ELAVL2: variants seen among roughly 807,000 people sequenced by gnomAD.
The protein encoded by ELAVL2 is ELAV like RNA binding protein 2.
A neutral mutation model predicts 34.6 loss-of-function variants in ELAVL2; 4 were observed. The observed-to-expected ratio is 0.12, with a 90% CI of 0.06 to 0.26. The LOEUF is 0.26. Ranked by LOEUF, ELAVL2 falls within the 10% of genes least tolerant of loss-of-function variation. The pLI is 1.00. For missense variants in ELAVL2, 432 were observed against 442.8 expected, an observed-to-expected ratio of 0.98 and a Z score of 0.22; for synonymous variants, 193 against 154.8, an observed-to-expected ratio of 1.25 and a Z score of -1.83.
intron 1 of ELAVL2, among the ~76,000 whole-genome samples, chr9:23,786,633 C>G (rs2059709936): frequency 6.6e-6 from 1 of 152,016 alleles, no homozygotes; most frequent in African/African-American, 2.4e-5. Context: ...GAAAGTTACC[C>G]TGAAGCTATA....
At chr9:23,755,152 G>A (rs557174255) in intron 2 of ELAVL2, among the ~76,000 whole-genome samples, 41 of 152,152 alleles carry the variant, frequency 2.7e-4, no homozygotes, top group African/African-American at 9.6e-4. Flanking sequence ...CACAAAATAC[G>A]AGCAAAAATT....
At chr9:23,818,955 A>C (rs2064126103) in intron 1 of ELAVL2, among the ~76,000 whole-genome samples, 1 of 152,236 alleles carries the variant, frequency 6.6e-6, no homozygotes, top group South Asian at 2.1e-4. Context: ...TTTTTAAAAA[A>C]ATGTCTTTCA....
At chr9:23,782,126 GTTTC>G (rs1358195739) in intron 1 of ELAVL2, among the ~76,000 whole-genome samples, 2 of 152,100 alleles carry the variant, frequency 1.3e-5, no homozygotes, top group African/African-American at 2.4e-5. Context: ...CGACCAAGAA[GTTTC>G]TTTAACATAA....
chr9:23,743,992 G>C (rs2049909825), intron 2 of ELAVL2, among the ~76,000 whole-genome samples: 1 of 152,098 alleles, frequency 6.6e-6, no homozygotes, highest in African/African-American at 2.4e-5. Context: ...ATGCCCACTT[G>C]GCAAACACAT....
At chr9:23,797,233 C>G (rs1336227826) in intron 1 of ELAVL2, among the ~76,000 whole-genome samples, 1 of 152,172 alleles carries the variant, frequency 6.6e-6, no homozygotes, top group Non-Finnish European at 1.5e-5. Context: ...AACCTCTATC[C>G]TCTGTTTAAA....
intron 1 of ELAVL2, among the ~76,000 whole-genome samples, chr9:23,792,810 G>T (rs189013215): frequency 6.6e-6 from 1 of 151,298 alleles, no homozygotes. Context: ...TTACTCTGTC[G>T]CCCAGGATGG....
At chr9:23,752,541 G>A (rs969215814) in intron 2 of ELAVL2, among the ~76,000 whole-genome samples, 3 of 151,082 alleles carry the variant, frequency 2.0e-5, no homozygotes, top group South Asian at 2.1e-4. Context: ...TGCAACCTCC[G>A]CCTCCCGGGT....
At chr9:23,828,686 G>C (rs1479198613), upstream of ELAVL2, among the ~76,000 whole-genome samples, 1 of 152,010 alleles carries the variant, frequency 6.6e-6, no homozygotes, top group Non-Finnish European at 1.5e-5. Flanking sequence ...CTAACATGTT[G>C]TCTTTTTATG....
chr9:23,801,040 G>A (rs776339795), intron 1 of ELAVL2, among the ~76,000 whole-genome samples: 1 of 152,144 alleles, frequency 6.6e-6, no homozygotes, highest in Non-Finnish European at 1.5e-5. Context: ...AAGGCTAATT[G>A]TGAACTGTAC....
intron 1 of ELAVL2, among the ~76,000 whole-genome samples, chr9:23,778,072 G>A (rs902122023): frequency 1.4e-4 from 22 of 152,094 alleles, no homozygotes; most frequent in African/African-American, 5.1e-4. Context: ...CCAGCAGGAA[G>A]AAAACATTGA....
chr9:23,830,626 C>CACACACACACACACACCT (rs1491521757), upstream of ELAVL2, among the ~76,000 whole-genome samples: 127 of 72,534 alleles, frequency 1.8e-3, 1 homozygote, highest in Non-Finnish European at 2.6e-3. Context: ...ACACACACAC[C>CACACACACACACACACCT]TTTTTTTTTT....
chr9:23,731,050 C>G lies in ELAVL2; in HGVS notation c.305G>C (p.Gly102Ala), dbSNP rs2046399227. 6.2e-6 allele frequency: 10 copies of G among 1,612,948 alleles called. No homozygotes were observed. The East Asian group carries it at 2.2e-4, about 36-fold the overall frequency. ...DAEKAINTLN[G>A]LRLQTKTIKV... ...TATTGTTTTGGTTTGAAGTCTCAAT[C>G]CATTCAGGGTGTTGATAGCTTTCTC... is the stretch of plus-strand genomic sequence containing the variant. The change falls in exon 3 of 7, where the codon GGA becomes GCA. Residue 102 changes from glycine to alanine, a missense_variant. Physicochemically the swap from Gly to Ala is moderately conservative, Grantham distance 60. Coordinates refer to ENST00000397312, the MANE Select transcript of ELAVL2 (RefSeq NM_004432.5).
intron 1 of ELAVL2, among the ~76,000 whole-genome samples, chr9:23,781,489 A>G (rs2059049995): frequency 6.6e-6 from 1 of 150,994 alleles, no homozygotes; most frequent in Non-Finnish European, 1.5e-5. Flanking sequence ...AGAATAGCAT[A>G]TTTAAGAAAA....
At chr9:23,735,105 CAAAAAAAAAAAAA>C in intron 2 of ELAVL2, 1 of 27,952 alleles carries the variant, frequency 3.6e-5, no homozygotes, top group African/African-American at 1.4e-4. Context: ...TAAGGCTCTT[CAAAAAAAAAAAAA>C]AAAAAAAAAG....
chr9:23,780,533 G>A lies in ELAVL2; in HGVS notation c.-15-18284C>T, dbSNP rs140361868. Among the ~76,000 whole-genome samples, 116 of 152,042 alleles carry A rather than the reference G, an allele frequency of 7.6e-4. 1 individual carries two copies. Among genetic ancestry groups the A allele is most frequent in the African/African-American group, 2.7e-3 (114 of 41,464 alleles). On this transcript the variant is annotated intron_variant, in intron 1 of 6. Transcript: ENST00000397312. ...TTGTGGTCAATTTCCTGTGACCTTC[G>A]TAAAACTTAAACACACCTCTTAGCT...
intron 2 of ELAVL2, among the ~76,000 whole-genome samples, chr9:23,745,470 A>G (rs2050265161): frequency 6.6e-6 from 1 of 152,174 alleles, no homozygotes; most frequent in Non-Finnish European, 1.5e-5. Context: ...AATAGGTTGC[A>G]AAGAAGAACA....
intron 5 of ELAVL2, 140 bp from the exon 6 acceptor site, chr9:23,693,626 T>C (rs1466414157): frequency 3.8e-6 from 4 of 1,052,276 alleles, no homozygotes; most frequent in African/African-American, 1.6e-5. Context: ...TGGGTCTTTT[T>C]ACGTTTTTAA....
chr9:23,725,329 T>G (rs1318918281), intron 3 of ELAVL2, among the ~76,000 whole-genome samples: 1 of 152,130 alleles, frequency 6.6e-6, no homozygotes, highest in East Asian at 1.9e-4. Context: ...TGCTTTCTTT[T>G]TGGGCAAATT....
intron 1 of ELAVL2, among the ~76,000 whole-genome samples, chr9:23,788,708 T>C (rs943925653): frequency 3.3e-5 from 5 of 152,194 alleles, no homozygotes; most frequent in African/African-American, 1.2e-4. Flanking sequence ...TCTTGTGCTT[T>C]GGGGCCGCTG....
Sources: allele counts gnomAD v4.1 joint callset (sites outside exome capture counted in the v4.1 genomes callset), GRCh38; gene constraint gnomAD v4.1.1; transcripts MANE v1.5; gene names NCBI Gene and HGNC (gene_info 2026-07-23, HGNC 2026-07-21).